The following HAUS2 variants were observed in gnomAD, a reference collection of about 807,000 sequenced individuals.
HAUS2 encodes the protein HAUS augmin-like complex subunit 2.
HAUS2 carries 20 observed loss-of-function variants against 21.6 expected under a neutral mutation model. The ratio of observed to expected loss-of-function variants is 0.93; its 90% CI spans 0.65 to 1.35. The LOEUF is 1.35. HAUS2 is among the 40% of genes most tolerant of loss of function. HAUS2 has a pLI of 0.00. For synonymous variants in HAUS2, 113 were observed against 95.6 expected (o/e 1.18, Z -1.06); for missense variants, 297 against 280.7 (o/e 1.06, Z -0.42).
chr15:42,551,498 G>C (rs749057985), intron 1 of HAUS2, among the ~76,000 whole-genome samples: 3 of 151,976 alleles, frequency 2.0e-5, no homozygotes, highest in African/African-American at 7.2e-5. Flanking sequence ...AAAATCAGCC[G>C]GGTATAGTGG....
Position 42,567,001 on chromosome 15 carries a change from A to G in HAUS2, c.*185A>G. 1 of 446,114 alleles carries G rather than the reference A, an allele frequency of 2.2e-6. No homozygotes were observed. Among genetic ancestry groups the G allele is most frequent in the Non-Finnish European group, 4.0e-6 (1 of 251,136 alleles). 27.6% of individuals were successfully genotyped at this position (446,114 alleles called of 1,614,324 possible). On this transcript the variant is annotated 3_prime_UTR_variant, in exon 6 of 6. Coordinates refer to ENST00000260372, the MANE Select transcript of HAUS2 (RefSeq NM_018097.3). Reference sequence around the variant, plus strand: ...TTTCCTTTGTTTTTCATATATTTTTATTCTACCTTTCAGTAAAACTAGAGA... The same window carrying G: ...TTTCCTTTGTTTTTCATATATTTTTGTTCTACCTTTCAGTAAAACTAGAGA...
rs565914871 is a variant in HAUS2 at position 42,563,918 on chromosome 15, C to A, written c.498+61C>A. On this transcript the variant is annotated intron_variant, in intron 5 of 5. Transcript: ENST00000260372. ...ACTAGAAACTTAGAGGTGTGCTCTC[C>A]CAGTTTAGCTTTTTAATAGCTAATA... The A allele has an allele frequency of 5.1e-5, 41 of 798,728 alleles. No individual in the cohort carries two copies. In the South Asian group the frequency reaches 5.8e-4, roughly 11 times the overall value. The allele number at this position is 798,728 out of a possible 1,614,324, so 49.5% of individuals were successfully genotyped here. A position where few individuals can be genotyped will look rare whatever the true frequency, so the allele number is the denominator to read the frequency against.
At chr15:42,559,243 A>C (rs1374087665) in intron 2 of HAUS2, 96 bp from the exon 3 acceptor site, 2 of 718,176 alleles carry the variant, frequency 2.8e-6, no homozygotes, top group African/African-American at 3.6e-5. Context: ...CACCTGCCTC[A>C]GCCTCCCAAA....
chr15:42,558,711 A>C (rs2057815909), intron 2 of HAUS2, among the ~76,000 whole-genome samples: 1 of 151,964 alleles, frequency 6.6e-6, no homozygotes, highest in Non-Finnish European at 1.5e-5. Context: ...TAATCCTCGC[A>C]CTTTGGGAGG....
At chr15:42,558,314 CTT>C (rs547363768) in intron 2 of HAUS2, 24 bp downstream of exon 2, 22,335 of 365,952 alleles carry the variant, frequency 0.061, 3 homozygotes, top group Middle Eastern at 0.083. Context: ...TTTTCACTTT[CTT>C]TTTTTTTTTT....
chr15:42,560,181 AG>A (rs1473518691), intron 3 of HAUS2, among the ~76,000 whole-genome samples: 1 of 152,152 alleles, frequency 6.6e-6, no homozygotes, highest in Admixed American at 6.6e-5. Flanking sequence ...TTTGCTGTAA[AG>A]GACATTATTG....
At chr15:42,555,147 C>T (rs1221786388) in intron 1 of HAUS2, among the ~76,000 whole-genome samples, 1 of 151,950 alleles carries the variant, frequency 6.6e-6, no homozygotes, top group Non-Finnish European at 1.5e-5. Context: ...GCCACCACAC[C>T]CAGCTAATTT....
intron 1 of HAUS2, among the ~76,000 whole-genome samples, chr15:42,550,334 A>G (rs1438020581): frequency 6.6e-6 from 1 of 151,880 alleles, no homozygotes; most frequent in Non-Finnish European, 1.5e-5. Context: ...ATTTACGGAA[A>G]ATACATAACT....
chr15:42,562,674 TTG>T (rs1406308326), intron 4 of HAUS2, among the ~76,000 whole-genome samples: 2 of 152,252 alleles, frequency 1.3e-5, no homozygotes, highest in Non-Finnish European at 2.9e-5. Context: ...AATGTATATA[TTG>T]TACTACATCT....
At chr15:42,560,679 T>C in intron 3 of HAUS2, 2 of 627,618 alleles carry the variant, frequency 3.2e-6, no homozygotes, top group South Asian at 3.6e-5. Context: ...TACAGGTCGC[T>C]GTAACTTCAA....
chr15:42,548,887 C>G lies in HAUS2; in HGVS notation c.15C>G (p.Asn5Lys). The change falls in exon 1 of 6, where the codon AAC becomes AAG. Residue 5 changes from asparagine to lysine, a missense_variant. Physicochemically the swap from Asn to Lys is moderately conservative, Grantham distance 94. Coordinates refer to ENST00000260372, the MANE Select transcript of HAUS2 (RefSeq NM_018097.3). MAAA[N>K]PWDPASAPNG... ...GCGTCCGAGCCATGGCCGCTGCCAA[C>G]CCGTGGGACCCGGCGTCCGCGCCTA... The G allele has an allele frequency of 6.5e-7, 1 of 1,550,212 alleles. No individual in the cohort carries two copies. The highest frequency in any genetic ancestry group is 1.2e-5 in the South Asian group (1 of 84,022).
At chr15:42,563,183 A>G (rs113590029) in intron 4 of HAUS2, among the ~76,000 whole-genome samples, 7,098 of 151,748 alleles carry the variant, frequency 0.047, 558 homozygotes, top group African/African-American at 0.16. Context: ...TTGGGAGGCC[A>G]AGGCTGGTGG....
At chr15:42,554,939 CA>C (rs2057757226) in intron 1 of HAUS2, among the ~76,000 whole-genome samples, 1 of 151,940 alleles carries the variant, frequency 6.6e-6, no homozygotes, top group African/African-American at 2.4e-5. Context: ...GGGATCTTCC[CA>C]CCCCAGCCTC....
rs1566838485 is a variant in HAUS2 at position 42,569,209 on chromosome 15, C to T, written c.*2393C>T. 1 of 151,906 alleles carries T rather than the reference C, an allele frequency of 6.6e-6. No individual in the cohort carries two copies. The highest frequency in any genetic ancestry group is 2.4e-5 in the African/African-American group (1 of 41,338). 9.4% of individuals were successfully genotyped at this position (151,906 alleles called of 1,614,324 possible). A position where few individuals can be genotyped will look rare whatever the true frequency, so the allele number is the denominator to read the frequency against. The stretch of plus-strand genomic sequence containing the variant: ...CTTTTTAATCAGTATTGTAACTAAC[C>T]TTGGCTTATTTTACTTTTAGACTTG... On this transcript the variant is annotated 3_prime_UTR_variant, in exon 6 of 6. Transcript: ENST00000260372.
chr15:42,566,508 G>A, intron 5 of HAUS2, 99 bp from the exon 6 acceptor site: 1 of 709,856 alleles, frequency 1.4e-6, no homozygotes, highest in South Asian at 1.7e-5. Flanking sequence ...GTAAGGGGCT[G>A]GAAAAAGATC....
intron 1 of HAUS2, among the ~76,000 whole-genome samples, chr15:42,555,440 A>G (rs986454828): frequency 1.3e-5 from 2 of 152,112 alleles, no homozygotes; most frequent in African/African-American, 4.8e-5. Flanking sequence ...GTATTTCTAA[A>G]TAAGTATTAT....
Position 42,548,883 on chromosome 15 carries a change from C to G in HAUS2, c.11C>G (p.Ala4Gly). The G allele has an allele frequency of 6.5e-7, 1 of 1,549,768 alleles. No homozygotes were observed. ...AGGTGCGTCCGAGCCATGGCCGCTG[C>G]CAACCCGTGGGACCCGGCGTCCGCG... MAA[A>G]NPWDPASAPN... Residue 4 changes from alanine to glycine, a missense_variant, in exon 1 of 6, where the codon GCC (alanine) becomes GGC (glycine). Ala to Gly is a moderately conservative substitution (Grantham distance 60). Coordinates refer to ENST00000260372, the MANE Select transcript of HAUS2 (RefSeq NM_018097.3).
intron 1 of HAUS2, among the ~76,000 whole-genome samples, chr15:42,555,649 G>C (rs1416263165): frequency 1.3e-5 from 2 of 152,102 alleles, no homozygotes; most frequent in Non-Finnish European, 2.9e-5. Flanking sequence ...TTTCTATCTA[G>C]AATACCTTTT....
chr15:42,558,322 T>G, intron 2 of HAUS2, 32 bp downstream of exon 2: 1 of 787,998 alleles, frequency 1.3e-6, no homozygotes, highest in Non-Finnish European at 2.0e-6. Flanking sequence ...TTCTTTTTTT[T>G]TTTTTTTTTT....
Sources: allele counts gnomAD v4.1 joint callset (sites outside exome capture counted in the v4.1 genomes callset), GRCh38; gene constraint gnomAD v4.1.1; transcripts MANE v1.5; gene names NCBI Gene and HGNC (gene_info 2026-07-23, HGNC 2026-07-21).